ENAH: variants seen among roughly 807,000 people sequenced by gnomAD.
ENAH encodes protein enabled homolog.
Under a neutral mutation model 78.7 loss-of-function variants are expected in ENAH, and 23 were observed. That is an observed-to-expected ratio of 0.29 (90% CI 0.21 to 0.41). ENAH has a LOEUF of 0.41. Ranked by LOEUF, ENAH falls within the 10% of genes least tolerant of loss-of-function variation. The probability of loss-of-function intolerance (pLI) is 1.00; values close to 1 mark genes in which losing one functional copy is unlikely to be tolerated. For missense variants in ENAH, 544 were observed against 691.0 expected (o/e 0.79, Z 2.39); for synonymous variants, 226 against 241.0 (o/e 0.94, Z 0.58).
chr1:225,614,957 C>T (rs941486661), intron 1 of ENAH, among the ~76,000 whole-genome samples: 1 of 152,144 alleles, frequency 6.6e-6, no homozygotes, highest in African/African-American at 2.4e-5. Flanking sequence ...TACACAAATC[C>T]TTAAGAGTAA....
chr1:225,536,784 CTG>C (rs1261447375), intron 3 of ENAH, among the ~76,000 whole-genome samples: 3 of 151,810 alleles, frequency 2.0e-5, no homozygotes, highest in African/African-American at 7.3e-5. Flanking sequence ...ATTACATACA[CTG>C]TATTTTTTTT....
chr1:225,503,260 C>T (rs2096295408), intron 11 of ENAH, among the ~76,000 whole-genome samples: 1 of 152,084 alleles, frequency 6.6e-6, no homozygotes, highest in Non-Finnish European at 1.5e-5. Context: ...TGTGTGAAAG[C>T]AGCAAGATAA....
At chr1:225,638,551 T>C (rs1660467640) in intron 1 of ENAH, among the ~76,000 whole-genome samples, 2 of 152,302 alleles carry the variant, frequency 1.3e-5, no homozygotes, top group East Asian at 3.9e-4. Flanking sequence ...TTGTAAGTTA[T>C]TGTTGAGGAT....
At chr1:225,528,195 C>T (rs948458165) in intron 4 of ENAH, among the ~76,000 whole-genome samples, 4 of 152,060 alleles carry the variant, frequency 2.6e-5, no homozygotes, top group South Asian at 2.1e-4. Flanking sequence ...GGAGGTAATA[C>T]TCAAATGTAA....
chr1:225,528,547 A>G (rs2096522309), intron 4 of ENAH, among the ~76,000 whole-genome samples: 1 of 152,290 alleles, frequency 6.6e-6, no homozygotes, highest in African/African-American at 2.4e-5. Flanking sequence ...TCGGGTTGGT[A>G]GATTGAGGAG....
intron 1 of ENAH, among the ~76,000 whole-genome samples, chr1:225,639,074 C>CAT (rs1485959858): frequency 9.2e-5 from 14 of 152,164 alleles, no homozygotes; most frequent in African/African-American, 3.4e-4. Flanking sequence ...CAACACAATG[C>CAT]ATATCATCTA....
chr1:225,543,561 C>T (rs567504954), intron 3 of ENAH, among the ~76,000 whole-genome samples: 1 of 152,256 alleles, frequency 6.6e-6, no homozygotes, highest in Non-Finnish European at 1.5e-5. Context: ...TCCTAACTAC[C>T]ATTCTGCACC....
intron 2 of ENAH, among the ~76,000 whole-genome samples, chr1:225,566,144 T>G (rs2096733848): frequency 6.6e-6 from 1 of 152,008 alleles, no homozygotes; most frequent in South Asian, 2.1e-4. Context: ...CGGGGGAGCT[T>G]CTAAGCCAGC....
intron 11 of ENAH, among the ~76,000 whole-genome samples, chr1:225,503,678 A>AAAAAC (rs1553413034): frequency 9.4e-5 from 13 of 138,814 alleles, no homozygotes; most frequent in African/African-American, 3.2e-4. Flanking sequence ...AAAAAAAAAA[A>AAAAAC]CACAAAACTA....
chr1:225,592,527 C>G (rs2096881982), intron 1 of ENAH, among the ~76,000 whole-genome samples: 1 of 152,174 alleles, frequency 6.6e-6, no homozygotes, highest in African/African-American at 2.4e-5. Flanking sequence ...AACTGAAATA[C>G]AATTCTAACT....
At chr1:225,648,097 T>C (rs568879823) in intron 1 of ENAH, among the ~76,000 whole-genome samples, 92 of 152,076 alleles carry the variant, frequency 6.0e-4, no homozygotes, top group Non-Finnish European at 5.4e-4. Context: ...GTCAGGAAAA[T>C]TTCGTAAACC....
intron 1 of ENAH, among the ~76,000 whole-genome samples, chr1:225,593,971 G>A (rs978876540): frequency 6.6e-6 from 1 of 152,158 alleles, no homozygotes; most frequent in African/African-American, 2.4e-5. Flanking sequence ...AAATTGATGG[G>A]CCTTGAGATT....
chr1:225,638,771 G>A (rs757036383), intron 1 of ENAH, among the ~76,000 whole-genome samples: 3 of 152,040 alleles, frequency 2.0e-5, no homozygotes, highest in South Asian at 4.1e-4. Context: ...GATTGCATAG[G>A]AATAATAGAC....
intron 1 of ENAH, among the ~76,000 whole-genome samples, chr1:225,614,379 T>C (rs187324045): frequency 6.6e-6 from 1 of 152,238 alleles, no homozygotes; most frequent in African/African-American, 2.4e-5. Context: ...TTTTAAAGGA[T>C]ACAAATGAAT....
rs201826506 is a variant in ENAH, at chr1:225,495,742, GCCT to G, written c.*2030_*2032del. On this transcript the variant is annotated 3_prime_UTR_variant, in exon 14 of 14. Transcript: ENST00000366843. ...AAAGTACAATAATAAAGATGAAAAT[GCCT>G]CCTATTTCTTTTAGAAAATAATACT... 479 of 152,508 alleles carry G rather than the reference GCCT, an allele frequency of 3.1e-3. 4 individuals carry two copies. In the East Asian group the frequency reaches 0.032, roughly 10 times the overall value. 9.4% of individuals were successfully genotyped at this position (152,508 alleles called of 1,614,324 possible).
intron 1 of ENAH, among the ~76,000 whole-genome samples, chr1:225,636,643 A>G (rs548108528): frequency 1.3e-5 from 2 of 152,206 alleles, no homozygotes; most frequent in Admixed American, 1.3e-4. Context: ...CAGGAATTTG[A>G]GACCAACCTG....
rs1238636547 is a variant in ENAH at position 225,642,209 on chromosome 1, G to GAAA, written c.5+10474_5+10476dup. Among the ~76,000 whole-genome samples the GAAA allele has an allele frequency of 2.6e-4, 22 of 83,322 alleles. No homozygotes were observed. The East Asian group carries it at 7.2e-3, about 27-fold the overall frequency. The allele number at this position is 83,322 out of a possible 152,430, so 54.7% of individuals were successfully genotyped here. A position where few individuals can be genotyped will look rare whatever the true frequency, so the allele number is the denominator to read the frequency against. On this transcript the variant is annotated intron_variant, in intron 1 of 13. Transcript: ENST00000366843. ...GAGAAAGAGTGAGACTCCATCTCAG[G>GAAA]AAAAAAAAAAAAAAAAAGAAGATAC... is the stretch of plus-strand genomic sequence containing the variant.
At chr1:225,630,341 T>C (rs1171926483) in intron 1 of ENAH, among the ~76,000 whole-genome samples, 7 of 152,174 alleles carry the variant, frequency 4.6e-5, no homozygotes, top group Non-Finnish European at 1.0e-4. Context: ...AGTTGGACTG[T>C]TGGTGTTTGA....
At chr1:225,635,967 C>T (rs563380102) in intron 1 of ENAH, among the ~76,000 whole-genome samples, 85 of 152,326 alleles carry the variant, frequency 5.6e-4, no homozygotes, top group Admixed American at 8.5e-4. Flanking sequence ...AAATTTCAGA[C>T]TCAAGATGCA....
Sources: allele counts gnomAD v4.1 joint callset (sites outside exome capture counted in the v4.1 genomes callset), GRCh38; gene constraint gnomAD v4.1.1; transcripts MANE v1.5; gene names NCBI Gene and HGNC (gene_info 2026-07-23, HGNC 2026-07-21).